The following FAM81B variants were observed in gnomAD, a reference collection of about 807,000 sequenced individuals.
FAM81B encodes protein FAM81B.
Under a neutral mutation model 58.7 loss-of-function variants are expected in FAM81B, and 60 were observed. The ratio of observed to expected loss-of-function variants is 1.02; its 90% CI spans 0.83 to 1.27. The LOEUF is 1.27. FAM81B is among the 50% of genes most tolerant of loss of function. FAM81B has a pLI of 0.00. For missense variants in FAM81B, 491 were observed against 522.0 expected, an observed-to-expected ratio of 0.94 and a Z score of 0.58; for synonymous variants, 189 against 179.6, an observed-to-expected ratio of 1.05 and a Z score of -0.42.
chr5:95,394,789 G>C (rs1761920916), intron 2 of FAM81B, among the ~76,000 whole-genome samples: 1 of 152,140 alleles, frequency 6.6e-6, no homozygotes, highest in Non-Finnish European at 1.5e-5. Flanking sequence ...GCTGGGTCAG[G>C]AGAGACTTTG....
intron 7 of FAM81B, among the ~76,000 whole-genome samples, chr5:95,442,188 A>G (rs1745384800): frequency 6.6e-6 from 1 of 152,202 alleles, no homozygotes; most frequent in African/African-American, 2.4e-5. Flanking sequence ...ATTTTTGAGC[A>G]CCTATATTAT....
At chr5:95,412,613 G>A (rs552921873) in intron 3 of FAM81B, among the ~76,000 whole-genome samples, 1 of 152,238 alleles carries the variant, frequency 6.6e-6, no homozygotes, top group African/African-American at 2.4e-5. Context: ...AAATTTTATT[G>A]ATGACACCTT....
chr5:95,443,857 A>T (rs1167698537), intron 7 of FAM81B, among the ~76,000 whole-genome samples: 1 of 152,202 alleles, frequency 6.6e-6, no homozygotes, highest in African/African-American at 2.4e-5. Flanking sequence ...AATTACTGAT[A>T]TGCCCTTCCA....
chr5:95,445,263 C>T (rs73143940), intron 7 of FAM81B, among the ~76,000 whole-genome samples: 1 of 152,156 alleles, frequency 6.6e-6, no homozygotes, highest in African/African-American at 2.4e-5. Flanking sequence ...CTGTACCATA[C>T]ATTGTAAGAC....
intron 9 of FAM81B, chr5:95,448,693 A>T (rs1056055771): frequency 3.6e-5 from 14 of 391,876 alleles, no homozygotes; most frequent in Admixed American, 1.9e-4. Context: ...ATTGGTGTGA[A>T]TTTTTTTTTT....
At chr5:95,438,212 T>G (rs1745180204) in intron 7 of FAM81B, among the ~76,000 whole-genome samples, 1 of 152,212 alleles carries the variant, frequency 6.6e-6, no homozygotes, top group Admixed American at 6.5e-5. Context: ...CTTCATAGTC[T>G]AAGAAAGCAT....
chr5:95,396,196 T>C (rs1202602717), intron 3 of FAM81B, 21 bp downstream of exon 3: 2 of 1,539,732 alleles, frequency 1.3e-6, no homozygotes, highest in Non-Finnish European at 1.8e-6. Flanking sequence ...AAATTACAAC[T>C]AGTTTTAACT....
At chr5:95,436,389 C>T (rs1745101908) in intron 6 of FAM81B, among the ~76,000 whole-genome samples, 1 of 152,110 alleles carries the variant, frequency 6.6e-6, no homozygotes, top group Non-Finnish European at 1.5e-5. Context: ...TACCATTGAT[C>T]ACCTAATGTG....
chr5:95,428,755 C>T (rs965880869), intron 6 of FAM81B, 23 bp downstream of exon 6: 5 of 1,613,256 alleles, frequency 3.1e-6, no homozygotes, highest in African/African-American at 2.7e-5. Context: ...AGATGGGACT[C>T]ATATTACGTG....
intron 5 of FAM81B, chr5:95,424,264 T>A: frequency 7.9e-7 from 1 of 1,261,976 alleles, no homozygotes; most frequent in Non-Finnish European, 1.0e-6. Context: ...TCCACTATCA[T>A]CCCCAGATAG....
At chr5:95,445,390 C>T (rs1745518114) in intron 7 of FAM81B, among the ~76,000 whole-genome samples, 1 of 152,114 alleles carries the variant, frequency 6.6e-6, no homozygotes, top group South Asian at 2.1e-4. Context: ...AGAAAACACA[C>T]ACAGAAACCA....
At position 95,391,458 on chromosome 5, in the gene FAM81B, C is replaced by A; in HGVS notation, c.69C>A (p.Phe23Leu). 5.6e-6 allele frequency: 9 copies of A among 1,613,502 alleles called. No individual in the cohort carries two copies. Among genetic ancestry groups the A allele is most frequent in the Non-Finnish European group, 7.6e-6 (9 of 1,179,732 alleles). ...EKRKKSQRLF[F>L]KNIKSTKNKA... ...GAAAAAAATCACAGAGATTGTTTTT[C>A]AAAAATATCAAATCTACAAAAAATA... Residue 23 changes from phenylalanine (F) to leucine (L), a missense_variant, in exon 1 of 10, where the codon TTC (phenylalanine) becomes TTA (leucine). Transcript: ENST00000283357.
At chr5:95,418,269 T>C (rs1762586995) in intron 4 of FAM81B, among the ~76,000 whole-genome samples, 1 of 152,300 alleles carries the variant, frequency 6.6e-6, no homozygotes, top group Admixed American at 6.5e-5. Flanking sequence ...CATGTTCAGG[T>C]AACCCTTATT....
intron 5 of FAM81B, among the ~76,000 whole-genome samples, chr5:95,423,651 G>A (rs1286231809): frequency 6.6e-6 from 1 of 151,862 alleles, no homozygotes. Flanking sequence ...GACAGGCCTG[G>A]TCAGAGAGGG....
chr5:95,424,330 C>T (rs974516899), intron 5 of FAM81B: 21 of 949,160 alleles, frequency 2.2e-5, no homozygotes, highest in Admixed American at 1.7e-4. Context: ...ATACATAAAA[C>T]ATAAGCAAAA....
chr5:95,425,516 T>A (rs1293554093), intron 5 of FAM81B, among the ~76,000 whole-genome samples: 1 of 152,224 alleles, frequency 6.6e-6, no homozygotes, highest in East Asian at 1.9e-4. Context: ...AGAAGTCAGG[T>A]ATTCTCAAGC....
chr5:95,421,871 T>C (rs759716757), intron 5 of FAM81B, among the ~76,000 whole-genome samples: 2 of 152,118 alleles, frequency 1.3e-5, no homozygotes, highest in South Asian at 2.1e-4. Flanking sequence ...AGGTCAAGGA[T>C]AGTGACCAAA....
intron 3 of FAM81B, among the ~76,000 whole-genome samples, chr5:95,403,708 C>T (rs1025481790): frequency 1.3e-5 from 2 of 152,160 alleles, no homozygotes; most frequent in Non-Finnish European, 2.9e-5. Flanking sequence ...CATGCACAGA[C>T]AGGACAACAT....
At position 95,408,110 on chromosome 5, in the gene FAM81B, G is replaced by GGGA. The variant is rs1762312466; in HGVS notation, c.294-5837_294-5836insGGA. On this transcript the variant is annotated intron_variant, in intron 3 of 9. Coordinates refer to ENST00000283357, the MANE Select transcript of FAM81B (RefSeq NM_152548.3). Reference sequence around the variant, plus strand: ...AGAGAGAGAGAGAGAGAGAGAGAGAGAGGAGGGAAGGAGGGAGGAAGAGAG... The same window carrying GGGA: ...AGAGAGAGAGAGAGAGAGAGAGAGAGGGAAGGAGGGAAGGAGGGAGGAAGAGAG... Among the ~76,000 whole-genome samples the GGGA allele has an allele frequency of 2.1e-5, 3 of 144,570 alleles. No individual in the cohort carries two copies. The East Asian group carries it at 6.3e-4, about 30-fold the overall frequency. 94.8% of individuals were successfully genotyped at this position (144,570 alleles called of 152,430 possible). A position where few individuals can be genotyped will look rare whatever the true frequency, so the allele number is the denominator to read the frequency against.
Sources: gnomAD v4.1 joint callset for allele counts (sites outside exome capture counted in the v4.1 genomes callset) on GRCh38, gnomAD v4.1.1 for gene constraint, MANE v1.5 for transcripts, NCBI Gene and HGNC (gene_info 2026-07-23, HGNC 2026-07-21) for gene names.